Variants in OR11A1 observed in about 807,000 individuals in gnomAD.
OR11A1 encodes olfactory receptor family 11 subfamily A member 1.
For missense variants in OR11A1, 380 were observed against 378.2 expected, an observed-to-expected ratio of 1.00 and a Z score of -0.04; for synonymous variants, 158 against 152.2, an observed-to-expected ratio of 1.04 and a Z score of -0.28.
chr6:29,444,688 G>A (rs183594182), intron 1 of OR11A1, among the ~76,000 whole-genome samples: 1 of 152,022 alleles, frequency 6.6e-6, no homozygotes, highest in African/African-American at 2.4e-5. Flanking sequence ...ATTAATCCTG[G>A]GCAATATAAG....
rs1262299577 is a variant in OR11A1 at position 29,457,060 on chromosome 6, A to G, written c.-462T>C. 1 of 152,110 alleles carries G rather than the reference A, an allele frequency of 6.6e-6. No homozygotes were observed. The highest frequency in any genetic ancestry group is 1.5e-5 in the Non-Finnish European group (1 of 68,020). The allele number at this position is 152,110 out of a possible 1,614,324, so 9.4% of individuals were successfully genotyped here. On this transcript the variant is annotated 5_prime_UTR_variant, in exon 1 of 5. Transcript: ENST00000377149. ...TCTCCCCATATGTGTGTTTCCATTC[A>G]CTGCTAGGATGGCTTCCTCCAAAGT...
chr6:29,436,533 A>G (rs926290786), intron 1 of OR11A1, among the ~76,000 whole-genome samples: 11 of 152,372 alleles, frequency 7.2e-5, no homozygotes, highest in African/African-American at 2.4e-4. Flanking sequence ...CAATAAGGTT[A>G]TTTATTGATC....
intron 1 of OR11A1, among the ~76,000 whole-genome samples, chr6:29,432,870 G>A (rs111683352): frequency 6.6e-6 from 1 of 151,720 alleles, no homozygotes; most frequent in Non-Finnish European, 1.5e-5. Flanking sequence ...TCTGAACTAC[G>A]TTGTCTACTA....
Position 29,427,311 on chromosome 6 carries a change from C to G in OR11A1, c.331G>C (p.Ala111Pro). Residue 111 changes from alanine (A) to proline (P), a missense_variant, in exon 5 of 5, where the codon GCT (alanine) becomes CCT (proline). Transcript: ENST00000377149. ...QFFIFGSLAT[A>P]ECLLLAVMAY... ...ATGACAGCCAGCAGTAAGCATTCAG[C>G]TGTGGCTAGAGAGCCGAAGATAAAG... The G allele has an allele frequency of 6.2e-7, 1 of 1,613,116 alleles. No individual in the cohort carries two copies. The highest frequency in any genetic ancestry group is 1.1e-5 in the South Asian group (1 of 91,084).
At position 29,427,517 on chromosome 6, in the gene OR11A1, A is replaced by T. The variant is rs528060218; in HGVS notation, c.125T>A (p.Ile42Lys). The change falls in exon 5 of 5, where the codon ATA becomes AAA. Residue 42 changes from isoleucine to lysine, a missense_variant. Physicochemically the swap from Ile to Lys is moderately radical, Grantham distance 102. Transcript: ENST00000377149. ...VFTAVYVFII[I>K]GNMLIIVAVV... ...TGCTACAATAATCAGCATATTCCCT[A>T]TGATGATGAAGACATAGACAGCAGT... 6 of 1,613,064 alleles carry T rather than the reference A, an allele frequency of 3.7e-6. No individual in the cohort carries two copies. The Admixed American group carries it at 1.0e-4, about 27-fold the overall frequency.
In OR11A1 at chr6:29,440,850, G is replaced by A. The variant is rs1453650737; in HGVS notation, c.-388-8863C>T. 14 of 1,613,714 alleles carry A rather than the reference G, an allele frequency of 8.7e-6. No individual in the cohort carries two copies. The highest frequency in any genetic ancestry group is 1.2e-5 in the Non-Finnish European group (14 of 1,179,834). On this transcript the variant is annotated intron_variant, in intron 1 of 4. Transcript: ENST00000377149. ...CCCTCTGGTGTCCCTCTTCTATGCT[G>A]TGGTCACCCCCATCCTCAACCCCAT...
intron 1 of OR11A1, among the ~76,000 whole-genome samples, chr6:29,445,677 G>A (rs571176539): frequency 5.3e-5 from 8 of 152,262 alleles, no homozygotes; most frequent in African/African-American, 1.7e-4. Flanking sequence ...CAGTGCCCTA[G>A]GGAGGGCTTG....
chr6:29,455,008 CA>C (rs1429267257), intron 1 of OR11A1, among the ~76,000 whole-genome samples: 2 of 151,446 alleles, frequency 1.3e-5, no homozygotes, highest in Non-Finnish European at 2.9e-5. Context: ...TCACAACATA[CA>C]AAAAAATTAA....
intron 1 of OR11A1, among the ~76,000 whole-genome samples, chr6:29,447,461 T>A (rs182699961): frequency 6.6e-6 from 1 of 152,392 alleles, no homozygotes; most frequent in East Asian, 1.9e-4. Flanking sequence ...GATGCCAATT[T>A]GGAATTTTAT....
chr6:29,440,707 C>T, intron 1 of OR11A1: 1 of 1,614,058 alleles, frequency 6.2e-7, no homozygotes, highest in Non-Finnish European at 8.5e-7. Context: ...CCATCTGTTG[C>T]GGGCCGCCGC....
chr6:29,446,750 A>T (rs1295981309), intron 1 of OR11A1, among the ~76,000 whole-genome samples: 2 of 152,202 alleles, frequency 1.3e-5, no homozygotes. Flanking sequence ...AACATGGTTG[A>T]TAATATACCA....
chr6:29,437,340 A>G (rs1259242004), intron 1 of OR11A1, among the ~76,000 whole-genome samples: 1 of 152,254 alleles, frequency 6.6e-6, no homozygotes, highest in Non-Finnish European at 1.5e-5. Flanking sequence ...CATACACACC[A>G]TGGAATACTA....
At chr6:29,451,493 A>G (rs1167103617) in intron 1 of OR11A1, among the ~76,000 whole-genome samples, 1 of 152,210 alleles carries the variant, frequency 6.6e-6, no homozygotes, top group East Asian at 1.9e-4. Context: ...AAGGAACTTA[A>G]AGAGAAAAAA....
At chr6:29,450,081 C>T (rs531960065) in intron 1 of OR11A1, 1 of 152,304 alleles carries the variant, frequency 6.6e-6, no homozygotes, top group Non-Finnish European at 1.5e-5. Flanking sequence ...GAAAAATGGG[C>T]CTGTGGCAGC....
chr6:29,426,972 C>A lies in OR11A1; in HGVS notation c.670G>T (p.Val224Leu). 1.2e-6 allele frequency: 2 copies of A among 1,613,024 alleles called. No individual in the cohort carries two copies. Among genetic ancestry groups the A allele is most frequent in the Non-Finnish European group, 8.5e-7 (1 of 1,180,026 alleles). Residue 224 changes from valine (V) to leucine (L), a missense_variant, in exon 5 of 5, where the codon GTG becomes TTG. Transcript: ENST00000377149. Reference sequence around the variant, plus strand: ...CCAGCAGGAACTCTCAGCACTGCCACCACAATTCTGGCATAAGATGTCAGA... The same window carrying A: ...CCAGCAGGAACTCTCAGCACTGCCAACACAATTCTGGCATAAGATGTCAGA... ...LILTSYARIV[V>L]AVLRVPAGAS... is the part of the protein sequence containing the mutation.
chr6:29,448,945 C>G (rs1785054209), intron 1 of OR11A1, among the ~76,000 whole-genome samples: 1 of 152,138 alleles, frequency 6.6e-6, no homozygotes, highest in Non-Finnish European at 1.5e-5. Context: ...CCTTCTTTTA[C>G]TTTAACCTCT....
chr6:29,451,470 A>G (rs903453666), intron 1 of OR11A1, among the ~76,000 whole-genome samples: 1 of 152,184 alleles, frequency 6.6e-6, no homozygotes, highest in Non-Finnish European at 1.5e-5. Context: ...AAAGTCTAAT[A>G]TCCAGAGCTT....
At position 29,427,321 on chromosome 6, in the gene OR11A1, A is replaced by G. The variant is rs781241393; in HGVS notation, c.321T>C (p.Ser107=). The part of the protein sequence containing the change: ...GCLLQFFIFG[S]LATAECLLLA... ...GCAGTAAGCATTCAGCTGTGGCTAG[A>G]GAGCCGAAGATAAAGAACTGGAGCA... The change falls in exon 5 of 5, where the codon TCT becomes TCC. Residue 107 remains serine, a synonymous_variant. Coordinates refer to ENST00000377149, the MANE Select transcript of OR11A1 (RefSeq NM_001394828.1). The G allele has an allele frequency of 1.2e-6, 2 of 1,613,110 alleles. No individual in the cohort carries two copies. Among genetic ancestry groups the G allele is most frequent in the Non-Finnish European group, 1.7e-6 (2 of 1,180,034 alleles).
At chr6:29,439,058 T>A (rs1235228664) in intron 1 of OR11A1, among the ~76,000 whole-genome samples, 1 of 152,224 alleles carries the variant, frequency 6.6e-6, no homozygotes, top group Non-Finnish European at 1.5e-5. Flanking sequence ...TATTCAAGTG[T>A]ATCTTTGGGT....
Sources: allele counts gnomAD v4.1 joint callset (sites outside exome capture counted in the v4.1 genomes callset), GRCh38; gene constraint gnomAD v4.1.1; transcripts MANE v1.5; gene names NCBI Gene and HGNC (gene_info 2026-07-23, HGNC 2026-07-21).